Variants in CADM2 observed in about 807,000 individuals in gnomAD.
CADM2 encodes the protein immunoglobulin superfamily member 4D.
Under a neutral mutation model 49.8 loss-of-function variants are expected in CADM2, and 12 were observed. The ratio of observed to expected loss-of-function variants is 0.24; its 90% CI spans 0.15 to 0.39. The LOEUF (loss-of-function observed/expected upper bound fraction) is 0.39, where lower values mean the gene tolerates loss of function less well. Among genes scored for constraint, CADM2 ranks in the 10% least tolerant of loss-of-function variants. The probability of loss-of-function intolerance (pLI) is 1.00; values close to 1 mark genes in which losing one functional copy is unlikely to be tolerated. For missense variants in CADM2, 378 were observed against 492.3 expected (o/e 0.77, Z 2.20); for synonymous variants, 214 against 175.4 (o/e 1.22, Z -1.74).
rs541331270 is a variant in CADM2, at chr3:85,345,837, AT to A, written c.62-380678del. 3.9e-5 allele frequency among the ~76,000 whole-genome samples: 6 copies of A among 152,306 alleles called. 1 individual carries two copies. In the South Asian group the frequency reaches 1.2e-3, roughly 32 times the overall value. ...TCGTAATTTGGTCATATACAAGATC[AT>A]TTTTTTGTGTGTGAAAAATATTCAC... On this transcript the variant is annotated intron_variant, in intron 1 of 9. Coordinates refer to ENST00000383699, the MANE Select transcript of CADM2 (RefSeq NM_001167675.2).
At chr3:85,930,557 A>T (rs1241581036) in intron 6 of CADM2, among the ~76,000 whole-genome samples, 1 of 151,994 alleles carries the variant, frequency 6.6e-6, no homozygotes, top group African/African-American at 2.4e-5. Flanking sequence ...CATTCTTTCT[A>T]ATTTTTTTCT....
Position 84,961,517 on chromosome 3 carries a change from T to C in CADM2, c.61+1849T>C, listed in dbSNP as rs189784442. Among the ~76,000 whole-genome samples the C allele has an allele frequency of 5.1e-3, 779 of 152,248 alleles. 4 individuals are homozygous for C. Among genetic ancestry groups the C allele is most frequent in the Non-Finnish European group, 7.1e-3 (484 of 68,010 alleles). ...CCCATCCTCACACAAGTAACCCGGG[T>C]GTCTGACACGTTACTTAGGTTTTTA... is the stretch of plus-strand genomic sequence containing the variant. On this transcript the variant is annotated intron_variant, in intron 1 of 9. Transcript: ENST00000383699.
At chr3:85,991,383 G>A (rs1387224666) in intron 8 of CADM2, among the ~76,000 whole-genome samples, 1 of 152,114 alleles carries the variant, frequency 6.6e-6, no homozygotes, top group Non-Finnish European at 1.5e-5. Flanking sequence ...CAGAGATAAA[G>A]TTTTGCCTCT....
intron 5 of CADM2, among the ~76,000 whole-genome samples, chr3:85,905,141 C>G (rs984761346): frequency 2.0e-5 from 3 of 152,022 alleles, no homozygotes; most frequent in African/African-American, 7.2e-5. Context: ...TGGTGAATGC[C>G]TGAACTCCCA....
At chr3:85,013,315 T>C (rs77497884) in intron 1 of CADM2, among the ~76,000 whole-genome samples, 2,189 of 152,040 alleles carry the variant, frequency 0.014, 37 homozygotes, top group East Asian at 0.079. Flanking sequence ...CAAGCAGCTG[T>C]TGAAAATTAT....
intron 8 of CADM2, among the ~76,000 whole-genome samples, chr3:86,055,465 T>TG (rs1737816703): frequency 7.9e-6 from 1 of 126,018 alleles, no homozygotes; most frequent in Non-Finnish European, 1.6e-5. Context: ...TTTTTTTTTT[T>TG]TTTTTTTTTT....
chr3:84,999,853 C>T (rs2033367087), intron 1 of CADM2, among the ~76,000 whole-genome samples: 1 of 151,968 alleles, frequency 6.6e-6, no homozygotes, highest in Admixed American at 6.6e-5. Flanking sequence ...GATTTTGAAA[C>T]GTGTTTGTAT....
intron 1 of CADM2, among the ~76,000 whole-genome samples, chr3:85,615,736 A>T (rs190043690): frequency 6.6e-6 from 1 of 151,716 alleles, no homozygotes; most frequent in Admixed American, 6.6e-5. Flanking sequence ...TGCATTACCA[A>T]TTCACATGAT....
intron 1 of CADM2, among the ~76,000 whole-genome samples, chr3:85,155,066 C>G (rs2040063223): frequency 6.8e-6 from 1 of 146,636 alleles, no homozygotes; most frequent in African/African-American, 2.7e-5. Flanking sequence ...ATCATAATGA[C>G]AGGATAAAAT....
intron 1 of CADM2, among the ~76,000 whole-genome samples, chr3:85,689,676 A>G (rs913758701): frequency 3.3e-5 from 5 of 152,182 alleles, no homozygotes; most frequent in African/African-American, 9.6e-5. Flanking sequence ...GCTGTTCTTT[A>G]GGAATTTCTA....
chr3:85,790,418 A>C (rs1008809279), intron 2 of CADM2, among the ~76,000 whole-genome samples: 1 of 152,358 alleles, frequency 6.6e-6, no homozygotes, highest in South Asian at 2.1e-4. Flanking sequence ...TTATCCCATA[A>C]GTTCCCTGGT....
chr3:85,008,678 C>T (rs575876547), intron 1 of CADM2, among the ~76,000 whole-genome samples: 10 of 151,436 alleles, frequency 6.6e-5, no homozygotes, highest in Admixed American at 1.3e-4. Flanking sequence ...ATGAAGCAGA[C>T]GGAATTAAAG....
chr3:85,723,566 T>C (rs1025022639), intron 1 of CADM2, among the ~76,000 whole-genome samples: 3 of 152,082 alleles, frequency 2.0e-5, no homozygotes, highest in Admixed American at 6.5e-5. Flanking sequence ...ATTAACCTAG[T>C]CTAGTATTAG....
intron 2 of CADM2, among the ~76,000 whole-genome samples, chr3:85,747,923 CAT>C (rs2107847593): frequency 6.6e-6 from 1 of 152,116 alleles, no homozygotes; most frequent in African/African-American, 2.4e-5. Flanking sequence ...GAGTGGGCCT[CAT>C]ATGAGGAGGC....
chr3:85,273,509 A>AT (rs1187802404), intron 1 of CADM2, among the ~76,000 whole-genome samples: 1 of 151,340 alleles, frequency 6.6e-6, no homozygotes, highest in Non-Finnish European at 1.5e-5. Context: ...TTCTGGATAA[A>AT]TTTTGAATAT....
chr3:84,986,948 A>G (rs1033123742), intron 1 of CADM2, among the ~76,000 whole-genome samples: 6 of 151,592 alleles, frequency 4.0e-5, no homozygotes, highest in African/African-American at 1.5e-4. Flanking sequence ...GCTACTCGAG[A>G]GGCTGAGGCA....
intron 1 of CADM2, among the ~76,000 whole-genome samples, chr3:85,678,654 T>C (rs532986383): frequency 1.2e-4 from 19 of 152,324 alleles, no homozygotes; most frequent in African/African-American, 4.3e-4. Flanking sequence ...CATTTTCCGT[T>C]CATCATCTAA....
At chr3:86,007,898 T>C (rs1730985855) in intron 8 of CADM2, among the ~76,000 whole-genome samples, 2 of 152,224 alleles carry the variant, frequency 1.3e-5, no homozygotes, top group Admixed American at 6.5e-5. Context: ...AGATGAGCAA[T>C]GTCTTGTTCT....
At chr3:84,978,766 G>A (rs930369423) in intron 1 of CADM2, among the ~76,000 whole-genome samples, 4 of 152,074 alleles carry the variant, frequency 2.6e-5, no homozygotes, top group African/African-American at 9.7e-5. Flanking sequence ...TGAATTATAT[G>A]AAAACAATAA....
Sources: gnomAD v4.1 joint callset for allele counts (sites outside exome capture counted in the v4.1 genomes callset) on GRCh38, gnomAD v4.1.1 for gene constraint, MANE v1.5 for transcripts, NCBI Gene and HGNC (gene_info 2026-07-23, HGNC 2026-07-21) for gene names.